The following TOP2B variants were observed in gnomAD, a reference collection of about 807,000 sequenced individuals.
TOP2B encodes the protein DNA topoisomerase 2-beta.
In TOP2B, 51 loss-of-function variants were observed where a neutral mutation model predicts 193.5. The ratio of observed to expected loss-of-function variants is 0.26; its 90% confidence interval spans 0.21 to 0.33. The LOEUF is 0.33. Among genes scored for constraint, TOP2B ranks in the 10% least tolerant of loss-of-function variants. The pLI is 1.00. For synonymous variants in TOP2B, 634 were observed against 635.7 expected, an observed-to-expected ratio of 1.00 and a Z score of 0.04; for missense variants, 1,378 against 1,909.3, an observed-to-expected ratio of 0.72 and a Z score of 5.19.
At chr3:25,619,244 C>T (rs143949408) in intron 23 of TOP2B, among the ~76,000 whole-genome samples, 2,048 of 152,150 alleles carry the variant, frequency 0.013, 50 homozygotes, top group African/African-American at 0.045. Context: ...TCTGTGTATA[C>T]GCATTTGTCC....
rs191941563 is a variant in TOP2B, at chr3:25,664,856, G to A, written c.-559C>T. On this transcript the variant is annotated 5_prime_UTR_variant, in exon 1 of 36. Coordinates refer to ENST00000264331, the MANE Select transcript of TOP2B (RefSeq NM_001330700.2). The stretch of plus-strand genomic sequence containing the variant: ...GAGAGGGACAATAAACAGAGCCGCC[G>A]CCGCCGCCGCCACGGTCACCTCCCT... 511 of 990,374 alleles carry A rather than the reference G, an allele frequency of 5.2e-4. 2 individuals are homozygous for A. In the African/African-American group the frequency reaches 8.7e-3, roughly 17 times the overall value. 61.3% of individuals were successfully genotyped at this position (990,374 alleles called of 1,614,324 possible).
intron 4 of TOP2B, among the ~76,000 whole-genome samples, chr3:25,639,152 T>C (rs1336578047): frequency 6.6e-6 from 1 of 152,190 alleles, no homozygotes; most frequent in Non-Finnish European, 1.5e-5. Context: ...GTATATATAC[T>C]ATGATTCCGT....
At chr3:25,655,667 C>T (rs762757086) in intron 1 of TOP2B, among the ~76,000 whole-genome samples, 5 of 152,032 alleles carry the variant, frequency 3.3e-5, no homozygotes, top group Admixed American at 6.6e-5. Context: ...TTTTAAAATG[C>T]GTATATAGAT....
chr3:25,635,446 T>C (rs1175362038), intron 7 of TOP2B, among the ~76,000 whole-genome samples: 1 of 152,192 alleles, frequency 6.6e-6, no homozygotes, highest in Non-Finnish European at 1.5e-5. Flanking sequence ...TAACTACAAT[T>C]AATTAGTATG....
rs183691182 is a variant in TOP2B at position 25,616,720 on chromosome 3, A to G, written c.3352-1134T>C. ...ATTCAGGTTGTTAGACAACTATAAAAATATCACTAGGATACAACAAAATCC... is the reference window on the plus strand; with the variant it reads ...ATTCAGGTTGTTAGACAACTATAAAGATATCACTAGGATACAACAAAATCC... On this transcript the variant is annotated intron_variant, in intron 25 of 35. Transcript: ENST00000264331. Among the ~76,000 whole-genome samples the G allele has an allele frequency of 5.3e-4, 80 of 152,018 alleles. 1 individual carries two copies. The East Asian group carries it at 9.5e-3, about 18-fold the overall frequency.
At chr3:25,611,249 C>T (rs769622662) in intron 28 of TOP2B, among the ~76,000 whole-genome samples, 5 of 152,096 alleles carry the variant, frequency 3.3e-5, no homozygotes, top group Non-Finnish European at 5.9e-5. Flanking sequence ...ATCTGACAAA[C>T]GCCAACTGAA....
chr3:25,654,529 AT>A (rs1221025662), intron 1 of TOP2B, among the ~76,000 whole-genome samples: 1 of 152,212 alleles, frequency 6.6e-6, no homozygotes, highest in African/African-American at 2.4e-5. Context: ...TACAGATTCA[AT>A]GCCATTCCTA....
Position 25,628,077 on chromosome 3 carries a change from A to G in TOP2B, c.1906+770T>C, listed in dbSNP as rs141963908. Among the ~76,000 whole-genome samples, 356 of 150,914 alleles carry G rather than the reference A, an allele frequency of 2.4e-3. 4 individuals carry two copies. The highest frequency in any genetic ancestry group is 8.3e-3 in the African/African-American group (341 of 41,162). ...AAAAAAATAAAAACAATTAAAAAAA[A>G]ACGAAATAAAAATAAAAATAAAAAA... On this transcript the variant is annotated intron_variant, in intron 15 of 35. Coordinates refer to ENST00000264331, the MANE Select transcript of TOP2B (RefSeq NM_001330700.2).
At chr3:25,660,177 A>T (rs541465420) in intron 1 of TOP2B, among the ~76,000 whole-genome samples, 13 of 152,316 alleles carry the variant, frequency 8.5e-5, no homozygotes, top group African/African-American at 3.1e-4. Flanking sequence ...GAATGTATCT[A>T]AAAAACACTG....
At chr3:25,607,732 C>T (rs977773335) in intron 30 of TOP2B, among the ~76,000 whole-genome samples, 4 of 152,180 alleles carry the variant, frequency 2.6e-5, no homozygotes, top group Non-Finnish European at 4.4e-5. Context: ...CAATGTTTCC[C>T]ATATTTGCAA....
At position 25,664,870 on chromosome 3, in the gene TOP2B, G is replaced by T; in HGVS notation, c.-573C>A. 1 of 990,378 alleles carries T rather than the reference G, an allele frequency of 1.0e-6. No homozygotes were observed. Among genetic ancestry groups the T allele is most frequent in the Non-Finnish European group, 1.2e-6 (1 of 832,492 alleles). 61.3% of individuals were successfully genotyped at this position (990,378 alleles called of 1,614,324 possible). On this transcript the variant is annotated 5_prime_UTR_variant, in exon 1 of 36. Coordinates refer to ENST00000264331, the MANE Select transcript of TOP2B (RefSeq NM_001330700.2). Reference sequence around the variant, plus strand: ...ACAGAGCCGCCGCCGCCGCCGCCACGGTCACCTCCCTCTTGTCCGGCATAA... The same window carrying T: ...ACAGAGCCGCCGCCGCCGCCGCCACTGTCACCTCCCTCTTGTCCGGCATAA...
chr3:25,606,118 A>AT lies in TOP2B; in HGVS notation c.4302dup (p.Ser1435IlefsTer4), dbSNP rs1702231154. 1 of 1,468,414 alleles carries AT rather than the reference A, an allele frequency of 6.8e-7. No homozygotes were observed. Among genetic ancestry groups the AT allele is most frequent in the Admixed American group, 2.1e-5 (1 of 47,432 alleles). 91.0% of individuals were successfully genotyped at this position (1,468,414 alleles called of 1,614,324 possible). A position where few individuals can be genotyped will look rare whatever the true frequency, so the allele number is the denominator to read the frequency against. On this transcript the variant is annotated frameshift_variant, in exon 32 of 36. Transcript: ENST00000264331. LOFTEE classifies it high-confidence loss of function. ...TCCTGACTTTTTTTGTCATGCAAAG[A>AT]TTTTCTATTAGAAAGAAAATAAACA...
intron 1 of TOP2B, among the ~76,000 whole-genome samples, chr3:25,652,481 C>T: frequency 6.6e-6 from 1 of 152,124 alleles, no homozygotes; most frequent in East Asian, 1.9e-4. Flanking sequence ...GTATATTTTC[C>T]ATCAAAAATG....
intron 1 of TOP2B, among the ~76,000 whole-genome samples, chr3:25,655,193 G>A (rs1377870619): frequency 2.0e-5 from 3 of 152,022 alleles, no homozygotes; most frequent in South Asian, 2.1e-4. Context: ...TCTATAACTC[G>A]ACAATAACAA....
intron 33 of TOP2B, among the ~76,000 whole-genome samples, chr3:25,603,667 A>AG (rs1467398045): frequency 6.6e-6 from 1 of 152,208 alleles, no homozygotes; most frequent in Non-Finnish European, 1.5e-5. Context: ...GAGATAAAGG[A>AG]GGGGGAGACA....
At position 25,649,470 on chromosome 3, in the gene TOP2B, C is replaced by A. The variant is rs184738027; in HGVS notation, c.70-4000G>T. 2.9e-3 allele frequency among the ~76,000 whole-genome samples: 445 copies of A among 151,894 alleles called. 2 individuals carry two copies. The highest frequency in any genetic ancestry group is 4.9e-3 in the Non-Finnish European group (331 of 67,942). ...TAATTATACTGTCAAAAGTCATAGA[C>A]AAAGAGAGAATCTTAAAAGCAGCAA... On this transcript the variant is annotated intron_variant, in intron 1 of 35. Transcript: ENST00000264331.
intron 31 of TOP2B, 71 bp from the exon 32 acceptor site, chr3:25,606,193 T>G: frequency 1.4e-6 from 1 of 718,094 alleles, no homozygotes; most frequent in East Asian, 3.0e-5. Context: ...ATAAATTATA[T>G]ATAATATTTA....
intron 33 of TOP2B, among the ~76,000 whole-genome samples, chr3:25,602,873 C>T (rs753474741): frequency 1.3e-5 from 2 of 152,150 alleles, no homozygotes; most frequent in Non-Finnish European, 2.9e-5. Flanking sequence ...TTGGAGTTAA[C>T]ATAGACAATC....
At chr3:25,645,917 G>A (rs1175340711) in intron 1 of TOP2B, among the ~76,000 whole-genome samples, 3 of 146,612 alleles carry the variant, frequency 2.0e-5, no homozygotes, top group Admixed American at 1.4e-4. Context: ...GCACCACTAT[G>A]CCCAGGTAAT....
Sources: allele counts gnomAD v4.1 joint callset (sites outside exome capture counted in the v4.1 genomes callset), GRCh38; gene constraint gnomAD v4.1.1; transcripts MANE v1.5; gene names NCBI Gene and HGNC (gene_info 2026-07-23, HGNC 2026-07-21).